The following EIF2AK2 variants were observed in gnomAD, a reference collection of about 807,000 sequenced individuals.
The protein encoded by EIF2AK2 is eukaryotic translation initiation factor 2 alpha kinase 2, also known as interferon-induced, double-stranded RNA-activated protein kinase.
EIF2AK2 carries 40 observed loss-of-function variants against 70.5 expected under a neutral mutation model. The ratio of observed to expected loss-of-function variants is 0.57; its 90% CI spans 0.44 to 0.74. The LOEUF (loss-of-function observed/expected upper bound fraction) is 0.74, where lower values mean the gene tolerates loss of function less well. Ranked by LOEUF, EIF2AK2 falls within the 30% of genes least tolerant of loss-of-function variation. The pLI is 0.00. For missense variants in EIF2AK2, 555 were observed against 644.3 expected (o/e 0.86, Z 1.50); for synonymous variants, 198 against 220.9 (o/e 0.90, Z 0.92).
chr2:37,119,907 A>T, intron 13 of EIF2AK2, 52 bp downstream of exon 13: 2 of 1,043,786 alleles, frequency 1.9e-6, no homozygotes, highest in Non-Finnish European at 2.5e-6. Flanking sequence ...GATATATTTT[A>T]AAATTACTAT....
chr2:37,148,118 G>C (rs1249886899), intron 2 of EIF2AK2, among the ~76,000 whole-genome samples: 2 of 152,004 alleles, frequency 1.3e-5, no homozygotes, highest in Non-Finnish European at 2.9e-5. Flanking sequence ...AGGAGTTCGA[G>C]ACCAGCCTGG....
chr2:37,107,190 A>C lies in EIF2AK2; in HGVS notation c.*83T>G. ...AAGGAAACATTAAAATAAAAGGTAA[A>C]TATCTATTGATATTCCCTAGCAGAT... On this transcript the variant is annotated 3_prime_UTR_variant, in exon 17 of 17. Coordinates refer to ENST00000233057, the MANE Select transcript of EIF2AK2 (RefSeq NM_001135651.3). 6.8e-7 allele frequency: 1 copy of C among 1,461,422 alleles called. No homozygotes were observed. The highest frequency in any genetic ancestry group is 2.3e-5 in the East Asian group (1 of 42,582). The allele number at this position is 1,461,422 out of a possible 1,614,324, so 90.5% of individuals were successfully genotyped here.
intron 11 of EIF2AK2, among the ~76,000 whole-genome samples, chr2:37,124,134 G>C (rs143502054): frequency 0.01 from 1,536 of 151,730 alleles, 23 homozygotes; most frequent in African/African-American, 0.033. Context: ...CACTTGGCTA[G>C]TTTTTATATT....
At chr2:37,139,840 AAC>A in intron 5 of EIF2AK2, 83 bp from the exon 6 acceptor site, 3 of 1,377,462 alleles carry the variant, frequency 2.2e-6, no homozygotes, top group Non-Finnish European at 3.0e-6. Context: ...ATAACATATT[AAC>A]AGAGATCTTA....
Position 37,107,055 on chromosome 2 carries a change from A to G in EIF2AK2, c.*218T>C, listed in dbSNP as rs1673986366. 1 of 512,308 alleles carries G rather than the reference A, an allele frequency of 2.0e-6. No homozygotes were observed. Among genetic ancestry groups the G allele is most frequent in the Non-Finnish European group, 3.0e-6 (1 of 328,632 alleles). 31.7% of individuals were successfully genotyped at this position (512,308 alleles called of 1,614,324 possible). A position where few individuals can be genotyped will look rare whatever the true frequency, so the allele number is the denominator to read the frequency against. On this transcript the variant is annotated 3_prime_UTR_variant, in exon 17 of 17. Transcript: ENST00000233057. ...AGACTCTGTCTTTAAAAAAAAAAAA[A>G]GAATAAAGAGATGAGCCAGGAAAAA...
chr2:37,115,348 CA>C (rs1431694156), intron 13 of EIF2AK2: 1 of 154,352 alleles, frequency 6.5e-6, no homozygotes, highest in East Asian at 1.9e-4. Flanking sequence ...AGGCATGAGC[CA>C]CCACGCCTGG....
intron 14 of EIF2AK2, among the ~76,000 whole-genome samples, chr2:37,110,138 T>G (rs1218331533): frequency 6.6e-6 from 1 of 152,036 alleles, no homozygotes; most frequent in Non-Finnish European, 1.5e-5. Context: ...TGGCGTGGTC[T>G]CGGCTCACAG....
intron 10 of EIF2AK2, among the ~76,000 whole-genome samples, chr2:37,128,374 A>G (rs1184214038): frequency 6.6e-6 from 1 of 152,108 alleles, no homozygotes; most frequent in Non-Finnish European, 1.5e-5. Context: ...ATTCCCACAG[A>G]AGTATTTTTT....
In EIF2AK2 at chr2:37,102,718, C is replaced by T. The variant is rs551504381; in HGVS notation, c.*4555G>A. ...AAGCACCCCACACCTAATTTTTGAA[C>T]GAGGGCCGTACAGTTTCATTTTGCC... is the stretch of plus-strand genomic sequence containing the variant. On this transcript the variant is annotated 3_prime_UTR_variant, in exon 17 of 17. Coordinates refer to ENST00000233057, the MANE Select transcript of EIF2AK2 (RefSeq NM_001135651.3). The T allele has an allele frequency of 2.0e-5, 3 of 152,260 alleles. No individual in the cohort carries two copies. The highest frequency in any genetic ancestry group is 4.8e-5 in the African/African-American group (2 of 41,558). 9.4% of individuals were successfully genotyped at this position (152,260 alleles called of 1,614,324 possible).
At chr2:37,116,993 C>A (rs905563208) in intron 13 of EIF2AK2, among the ~76,000 whole-genome samples, 3 of 152,058 alleles carry the variant, frequency 2.0e-5, no homozygotes, top group East Asian at 1.9e-4. Flanking sequence ...GGGCAGACAG[C>A]GTGGGCCCAT....
intron 10 of EIF2AK2, 126 bp from the exon 11 acceptor site, chr2:37,126,537 C>A: frequency 7.2e-7 from 1 of 1,383,322 alleles, no homozygotes; most frequent in Non-Finnish European, 9.6e-7. Flanking sequence ...TTCTCTCCTT[C>A]TGAATAAGAA....
chr2:37,148,897 G>C lies in EIF2AK2; in HGVS notation c.-57C>G. ...GTCCAAAATGCACGCAGATAATCACGGAAGTGTGGATGTTGATTCTGAAGA... is the reference window on the plus strand; with the variant it reads ...GTCCAAAATGCACGCAGATAATCACCGAAGTGTGGATGTTGATTCTGAAGA... On this transcript the variant is annotated 5_prime_UTR_variant, in exon 2 of 17. Transcript: ENST00000233057. The C allele has an allele frequency of 1.2e-6, 1 of 828,212 alleles. No homozygotes were observed. Among genetic ancestry groups the C allele is most frequent in the South Asian group, 1.3e-5 (1 of 74,906 alleles). 51.3% of individuals were successfully genotyped at this position (828,212 alleles called of 1,614,324 possible).
intron 10 of EIF2AK2, among the ~76,000 whole-genome samples, chr2:37,132,109 G>A (rs1209918074): frequency 6.6e-6 from 1 of 152,110 alleles, no homozygotes; most frequent in South Asian, 2.1e-4. Context: ...CATTTCTTTA[G>A]GGAACCGTGA....
chr2:37,145,941 A>T (rs1304357423), intron 4 of EIF2AK2, among the ~76,000 whole-genome samples: 1 of 151,082 alleles, frequency 6.6e-6, no homozygotes, highest in East Asian at 1.9e-4. Context: ...TTTAGTAGAG[A>T]CAGGGTTTCA....
intron 1 of EIF2AK2, among the ~76,000 whole-genome samples, chr2:37,153,141 T>A (rs1259995162): frequency 6.6e-6 from 1 of 152,140 alleles, no homozygotes; most frequent in East Asian, 1.9e-4. Context: ...TTTTTATGTT[T>A]TAAAATTGTG....
chr2:37,129,031 C>A (rs776799708), intron 10 of EIF2AK2, among the ~76,000 whole-genome samples: 6 of 152,060 alleles, frequency 3.9e-5, no homozygotes, highest in African/African-American at 1.4e-4. Flanking sequence ...CTTTTCTCTA[C>A]CTCCAATTTA....
chr2:37,122,907 C>A (rs1278429728), intron 11 of EIF2AK2, among the ~76,000 whole-genome samples: 1 of 152,144 alleles, frequency 6.6e-6, no homozygotes, highest in African/African-American at 2.4e-5. Context: ...GTGGCTCAGG[C>A]CTGTAATCCC....
rs1674595517 is a variant in EIF2AK2, at chr2:37,122,596, C to T, written c.977G>A (p.Cys326Tyr). ...DHVNIVHYNG[C>Y]WDGFDYDPET... Reference sequence around the variant, plus strand: ...AGGATCATAATCAAATCCATCCCAACAGCCATTGTAGTGAACAATATTTAC... The same window carrying T: ...AGGATCATAATCAAATCCATCCCAATAGCCATTGTAGTGAACAATATTTAC... The change falls in exon 12 of 17, where the codon TGT becomes TAT. Residue 326 changes from cysteine to tyrosine, a missense_variant. Cys to Tyr is a radical substitution (Grantham distance 194, BLOSUM62 -2). Around this residue, in one of 3 missense-constraint regions of EIF2AK2, gnomAD observed 299 missense variants for 375.4 expected, o/e 0.80. Transcript: ENST00000233057. The T allele has an allele frequency of 6.2e-7, 1 of 1,614,044 alleles. No homozygotes were observed. The highest frequency in any genetic ancestry group is 1.3e-5 in the African/African-American group (1 of 74,900).
chr2:37,113,296 G>C (rs909348634), intron 14 of EIF2AK2, among the ~76,000 whole-genome samples: 1 of 152,012 alleles, frequency 6.6e-6, no homozygotes, highest in African/African-American at 2.4e-5. Context: ...AGGAGTTTGA[G>C]ACCAGCCTGG....
Sources: gnomAD v4.1 joint callset for allele counts (sites outside exome capture counted in the v4.1 genomes callset) on GRCh38, gnomAD v4.1.1 for gene constraint, gnomAD v4.1.1 regional missense constraint, MANE v1.5 for transcripts, NCBI Gene and HGNC (gene_info 2026-07-23, HGNC 2026-07-21) for gene names.